The following USP24 variants were observed in gnomAD, a reference collection of about 807,000 sequenced individuals.
USP24 encodes ubiquitin carboxyl-terminal hydrolase 24.
A neutral mutation model predicts 361.6 loss-of-function variants in USP24; 97 were observed. The ratio of observed to expected loss-of-function variants is 0.27; its 90% CI spans 0.23 to 0.32. The LOEUF (loss-of-function observed/expected upper bound fraction) is 0.32. Ranked by LOEUF, USP24 falls within the 10% of genes least tolerant of loss-of-function variation. The probability of loss-of-function intolerance (pLI) is 1.00; values close to 1 mark genes in which losing one functional copy is unlikely to be tolerated. For synonymous variants in USP24, 1,098 were observed against 1,124.6 expected, an observed-to-expected ratio of 0.98 and a Z score of 0.47; for missense variants, 2,353 against 3,165.6, an observed-to-expected ratio of 0.74 and a Z score of 6.16.
chr1:55,143,763 C>T (rs1646953158), intron 21 of USP24, among the ~76,000 whole-genome samples: 1 of 151,932 alleles, frequency 6.6e-6, no homozygotes, highest in Non-Finnish European at 1.5e-5. Flanking sequence ...GAAGACTGTT[C>T]TTGCTTTTTT....
In USP24 at chr1:55,121,511, T is replaced by A. The variant is rs543788464; in HGVS notation, c.4277-5A>T. On this transcript the variant is annotated splice_polypyrimidine_tract_variant and splice_region_variant and intron_variant, in intron 36 of 67. Coordinates refer to ENST00000294383, the MANE Select transcript of USP24 (RefSeq NM_015306.3). The stretch of plus-strand genomic sequence containing the variant: ...AGGGCAAGTTATAGAAAGATGCTAA[T>A]AAGAAGAAATGGGGGATGTGGGTGT... The A allele has an allele frequency of 2.5e-6, 4 of 1,612,428 alleles. No individual in the cohort carries two copies. The Admixed American group carries it at 6.7e-5, about 27-fold the overall frequency.
chr1:55,122,587 C>CTA (rs1429506047), intron 36 of USP24, among the ~76,000 whole-genome samples: 1 of 152,006 alleles, frequency 6.6e-6, no homozygotes, highest in African/African-American at 2.4e-5. Flanking sequence ...GGCACTCTTG[C>CTA]TATAGTCCAA....
chr1:55,073,019 C>T (rs139781355), intron 64 of USP24, 158 bp from the exon 65 acceptor site: 2 of 666,450 alleles, frequency 3.0e-6, no homozygotes, highest in Non-Finnish European at 4.9e-6. Context: ...TTCATGGAGA[C>T]AGAAATTACA....
In USP24 at chr1:55,159,619, T is replaced by C; in HGVS notation, c.1060A>G (p.Lys354Glu). 6.4e-7 allele frequency: 1 copy of C among 1,560,264 alleles called. No homozygotes were observed. The highest frequency in any genetic ancestry group is 8.7e-7 in the Non-Finnish European group (1 of 1,150,298). The change falls in exon 9 of 68, where the codon AAA becomes GAA. Residue 354 changes from lysine to glutamate, a missense_variant. Physicochemically the swap from Lys to Glu is moderately conservative, Grantham distance 56. This residue lies in a region of USP24 where 386 missense variants were observed against 560.5 expected (regional missense o/e 0.69). Transcript: ENST00000294383. ...DVRSVEEKDL[K>E]DKRLVSIPEL... ...CTGGAGAAGGCATTTACCTTGTCTTTGAGGTCTTTCTCTTCTACACTCCGT... is the reference window on the plus strand; with the variant it reads ...CTGGAGAAGGCATTTACCTTGTCTTCGAGGTCTTTCTCTTCTACACTCCGT...
At chr1:55,211,721 CT>C (rs1162864792) in intron 1 of USP24, among the ~76,000 whole-genome samples, 3 of 152,180 alleles carry the variant, frequency 2.0e-5, no homozygotes, top group Non-Finnish European at 4.4e-5. Flanking sequence ...CTCCCTGCCC[CT>C]GGGACAGGAA....
chr1:55,182,241 G>A (rs528930858), intron 1 of USP24, among the ~76,000 whole-genome samples: 36 of 152,124 alleles, frequency 2.4e-4, no homozygotes, highest in African/African-American at 7.0e-4. Context: ...TAGTAGAGAC[G>A]GGGTTTCACC....
intron 1 of USP24, among the ~76,000 whole-genome samples, chr1:55,210,672 A>T (rs1036890299): frequency 6.6e-6 from 1 of 152,202 alleles, no homozygotes; most frequent in Non-Finnish European, 1.5e-5. Flanking sequence ...TTTTTATGTG[A>T]CTTAGATATA....
intron 12 of USP24, among the ~76,000 whole-genome samples, chr1:55,155,509 T>C (rs534167753): frequency 2.0e-5 from 3 of 152,326 alleles, no homozygotes; most frequent in East Asian, 3.9e-4. Flanking sequence ...TTCAACCTTA[T>C]GTGGATTCAA....
chr1:55,120,674 T>C lies in USP24; in HGVS notation c.4430A>G (p.Gln1477Arg). The C allele has an allele frequency of 1.3e-6, 2 of 1,566,240 alleles. No individual in the cohort carries two copies. The highest frequency in any genetic ancestry group is 1.7e-6 in the Non-Finnish European group (2 of 1,154,216). ...SAHPDVQKPNQFLLGVILTAQ... is the reference protein window; with the variant it reads ...SAHPDVQKPNRFLLGVILTAQ... ...CGTGAGGATTACGCCTAGAAGAAAC[T>C]GATTTGGCTTCTGCACATCTGGATG... Residue 1477 changes from glutamine to arginine, a missense_variant, in exon 38 of 68, where the codon CAG becomes CGG. By Grantham distance (43) the Gln-to-Arg change is conservative (BLOSUM62 1). This residue lies in a region of USP24 where 949 missense variants were observed against 1,280.5 expected (regional missense o/e 0.74). Coordinates refer to ENST00000294383, the MANE Select transcript of USP24 (RefSeq NM_015306.3).
At chr1:55,147,958 C>A (rs1647077167) in intron 17 of USP24, among the ~76,000 whole-genome samples, 160 bp from the exon 18 acceptor site, 2 of 152,116 alleles carry the variant, frequency 1.3e-5, no homozygotes. Flanking sequence ...TAAAATCAAT[C>A]TGGTATGTAC....
At chr1:55,106,368 C>A in intron 40 of USP24, 105 bp from the exon 41 acceptor site, 2 of 781,586 alleles carry the variant, frequency 2.6e-6, no homozygotes, top group South Asian at 1.7e-5. Context: ...CAATGCCACC[C>A]AATAGCAGAG....
Position 55,084,021 on chromosome 1 carries a change from G to A in USP24, c.6766-133C>T. On this transcript the variant is annotated intron_variant, in intron 56 of 67. Coordinates refer to ENST00000294383, the MANE Select transcript of USP24 (RefSeq NM_015306.3). ...TACAATCCAGTCTCAGATTCAGATG[G>A]ACTTATGCTTTGAAGAGCAAAAACA... The A allele has an allele frequency of 4.2e-6, 3 of 706,324 alleles. No individual in the cohort carries two copies. In the South Asian group the frequency reaches 5.6e-5, roughly 13 times the overall value. The allele number at this position is 706,324 out of a possible 1,614,324, so 43.8% of individuals were successfully genotyped here. A position where few individuals can be genotyped will look rare whatever the true frequency, so the allele number is the denominator to read the frequency against.
At chr1:55,157,141 A>G (rs1647759237) in intron 11 of USP24, 90 bp from the exon 12 acceptor site, 1 of 1,383,804 alleles carries the variant, frequency 7.2e-7, no homozygotes, top group Admixed American at 2.0e-5. Flanking sequence ...ATAACTTACT[A>G]TAAGATCATT....
At chr1:55,124,342 T>C (rs67171713) in intron 35 of USP24, 127 bp downstream of exon 35, 60,771 of 1,130,904 alleles carry the variant, frequency 0.054, 2,736 homozygotes, top group African/African-American at 0.22. Context: ...CTTGATGAAT[T>C]TTTACTCATG....
chr1:55,153,963 A>G, intron 15 of USP24, 46 bp from the exon 16 acceptor site: 1 of 1,543,016 alleles, frequency 6.5e-7, no homozygotes, highest in Non-Finnish European at 8.8e-7. Flanking sequence ...GGTAAAAGCA[A>G]TACCTATAAT....
chr1:55,214,980 C>A lies in USP24; in HGVS notation c.134G>T (p.Arg45Leu). 6.9e-7 allele frequency: 1 copy of A among 1,444,880 alleles called. No homozygotes were observed. Among genetic ancestry groups the A allele is most frequent in the East Asian group, 3.0e-5 (1 of 32,936 alleles). The allele number at this position is 1,444,880 out of a possible 1,614,324, so 89.5% of individuals were successfully genotyped here. ...GTAGCCGCCGTAGTCGAGGCCCGGC[C>A]GCTCGTTGGTGAGCAGTGCCACGGC... is the stretch of plus-strand genomic sequence containing the variant. ...NEAVALLTNE[R>L]PGLDYGGYEP... The change falls in exon 1 of 68, where the codon CGG (arginine) becomes CTG (leucine). Residue 45 changes from arginine to leucine, a missense_variant. Transcript: ENST00000294383.
At chr1:55,097,234 T>A in intron 48 of USP24, 62 bp from the exon 49 acceptor site, 2 of 1,540,440 alleles carry the variant, frequency 1.3e-6, no homozygotes, top group Non-Finnish European at 1.8e-6. Context: ...AGTACCCAGT[T>A]AAGTGAGATC....
intron 39 of USP24, among the ~76,000 whole-genome samples, chr1:55,107,852 A>C (rs890671116): frequency 3.6e-5 from 5 of 139,034 alleles, no homozygotes; most frequent in African/African-American, 1.4e-4. Context: ...AAAAAAAAAA[A>C]AAAAAAAAAA....
Position 55,123,478 on chromosome 1 carries a change from A to G in USP24, c.4245T>C (p.Val1415=). Residue 1415 remains valine, a synonymous_variant, in exon 36 of 68, where the codon GTT becomes GTC. Transcript: ENST00000294383. ...GCTGGCTCCGAAGCTGTAGGCACGT[A>G]ACAAGAAGAGACAAAGCCTCTCCCG... ...LIAGEALSLL[V]TCLQLRSQQL... is the part of the protein sequence containing the mutation. 6.2e-7 allele frequency: 1 copy of G among 1,600,406 alleles called. No individual in the cohort carries two copies. The highest frequency in any genetic ancestry group is 8.5e-7 in the Non-Finnish European group (1 of 1,173,594).
Sources: gnomAD v4.1 joint callset for allele counts (sites outside exome capture counted in the v4.1 genomes callset) on GRCh38, gnomAD v4.1.1 for gene constraint, gnomAD v4.1.1 regional missense constraint, MANE v1.5 for transcripts, NCBI Gene and HGNC (gene_info 2026-07-23, HGNC 2026-07-21) for gene names.